The following SP100 variants were observed in gnomAD, a reference collection of about 807,000 sequenced individuals.
SP100 encodes SP100 nuclear body protein, also known as nuclear autoantigen Sp-100.
SP100 carries 84 observed loss-of-function variants against 130.0 expected under a neutral mutation model. That is an observed-to-expected ratio of 0.65 (90% CI 0.54 to 0.77). SP100 has a LOEUF of 0.77. SP100 is among the 30% of genes least tolerant of loss of function. SP100 has a pLI of 0.00. For synonymous variants in SP100, 331 were observed against 351.7 expected (o/e 0.94, Z 0.66); for missense variants, 978 against 1,052.2 (o/e 0.93, Z 0.97).
rs1317109233 is a variant in SP100 at position 230,514,960 on chromosome 2, C to T, written c.2094+3794C>T. On this transcript the variant is annotated intron_variant, in intron 24 of 28. Coordinates refer to ENST00000340126, the MANE Select transcript of SP100 (RefSeq NM_001080391.2). ...TTGAGCTCCATAGAGATAGTGCTGGCGCAAGTGAGAGCTGGACAGGCCCTG... is the reference window on the plus strand; with the variant it reads ...TTGAGCTCCATAGAGATAGTGCTGGTGCAAGTGAGAGCTGGACAGGCCCTG... 2.2e-5 allele frequency: 32 copies of T among 1,445,706 alleles called. 1 individual carries two copies. The Middle Eastern group carries it at 1.2e-3, about 55-fold the overall frequency. 89.6% of individuals were successfully genotyped at this position (1,445,706 alleles called of 1,614,324 possible).
intron 15 of SP100, among the ~76,000 whole-genome samples, chr2:230,472,015 T>A (rs1351777814): frequency 6.6e-6 from 1 of 152,150 alleles, no homozygotes; most frequent in African/African-American, 2.4e-5. Flanking sequence ...GAGATGGCTA[T>A]GTGGTCAGTG....
At chr2:230,450,368 C>T (rs2063915355) in intron 8 of SP100, 113 bp downstream of exon 8, 1 of 697,820 alleles carries the variant, frequency 1.4e-6, no homozygotes, top group African/African-American at 1.8e-5. Context: ...TTTAAAATTA[C>T]CAGATTAAAA....
intron 10 of SP100, 83 bp downstream of exon 10, chr2:230,462,601 C>A: frequency 9.9e-7 from 1 of 1,007,854 alleles, no homozygotes; most frequent in Non-Finnish European, 1.6e-6. Flanking sequence ...TTATTCTGAG[C>A]TCATTCTGTA....
chr2:230,453,114 C>T (rs900304553), intron 8 of SP100, among the ~76,000 whole-genome samples: 4 of 152,080 alleles, frequency 2.6e-5, no homozygotes, highest in South Asian at 2.1e-4. Flanking sequence ...AGGAAACTTA[C>T]GATCATGGCA....
chr2:230,451,818 A>G (rs559325825), intron 8 of SP100, among the ~76,000 whole-genome samples: 2 of 152,328 alleles, frequency 1.3e-5, no homozygotes, highest in South Asian at 2.1e-4. Context: ...ATTTTTTAAT[A>G]TGGCATGAGA....
chr2:230,461,730 C>T (rs528150096), intron 9 of SP100, among the ~76,000 whole-genome samples: 3 of 152,188 alleles, frequency 2.0e-5, no homozygotes, highest in South Asian at 2.1e-4. Flanking sequence ...AGGGGGATCG[C>T]TTGAGTCCAG....
intron 24 of SP100, among the ~76,000 whole-genome samples, chr2:230,517,497 A>G (rs1188271054): frequency 6.6e-6 from 1 of 152,124 alleles, no homozygotes; most frequent in African/African-American, 2.4e-5. Flanking sequence ...CGCCATAGCT[A>G]ACACCTGTAA....
intron 19 of SP100, among the ~76,000 whole-genome samples, chr2:230,500,574 G>T (rs1464553529): frequency 1.3e-5 from 2 of 152,236 alleles, no homozygotes; most frequent in African/African-American, 4.8e-5. Flanking sequence ...TATGGCCAGA[G>T]CTGGATCTCC....
chr2:230,418,968 C>A (rs929624809), intron 2 of SP100, among the ~76,000 whole-genome samples: 1 of 152,176 alleles, frequency 6.6e-6, no homozygotes, highest in Admixed American at 6.5e-5. Flanking sequence ...TGGAACTGCA[C>A]TGGATCTATA....
intron 19 of SP100, among the ~76,000 whole-genome samples, chr2:230,500,999 T>C (rs1035099238): frequency 1.3e-5 from 2 of 152,166 alleles, no homozygotes; most frequent in African/African-American, 4.8e-5. Flanking sequence ...TCCCAGCACT[T>C]TGGGAGGCTG....
chr2:230,458,152 A>T (rs975775662), intron 8 of SP100, among the ~76,000 whole-genome samples: 4 of 152,220 alleles, frequency 2.6e-5, no homozygotes, highest in African/African-American at 9.6e-5. Context: ...TTTGCACATA[A>T]CTTTTACATT....
In SP100 at chr2:230,543,142, G is replaced by C. The variant is rs925386501; in HGVS notation, c.*196G>C. 1 of 370,794 alleles carries C rather than the reference G, an allele frequency of 2.7e-6. No homozygotes were observed. The highest frequency in any genetic ancestry group is 3.7e-5 in the African/African-American group (1 of 27,042). 23.0% of individuals were successfully genotyped at this position (370,794 alleles called of 1,614,324 possible). A position where few individuals can be genotyped will look rare whatever the true frequency, so the allele number is the denominator to read the frequency against. On this transcript the variant is annotated 3_prime_UTR_variant, in exon 29 of 29. Coordinates refer to ENST00000340126, the MANE Select transcript of SP100 (RefSeq NM_001080391.2). ...CATGTTAAAAATTCTCAATAAGCTA[G>C]GTATTGAGGAACATATCCCAAAATA...
chr2:230,506,206 C>G, intron 21 of SP100, 97 bp from the exon 22 acceptor site: 1 of 1,343,800 alleles, frequency 7.4e-7, no homozygotes, highest in Non-Finnish European at 1.0e-6. Flanking sequence ...TGCTACGATC[C>G]TAAGCCCAAA....
At chr2:230,445,911 C>T (rs3820977) in intron 4 of SP100, among the ~76,000 whole-genome samples, 2 of 152,030 alleles carry the variant, frequency 1.3e-5, no homozygotes, top group African/African-American at 2.4e-5. Flanking sequence ...CACCACCCAC[C>T]GCCCCACCCA....
chr2:230,523,288 T>A (rs1691260763), intron 24 of SP100, among the ~76,000 whole-genome samples: 1 of 152,230 alleles, frequency 6.6e-6, no homozygotes, highest in Admixed American at 6.5e-5. Context: ...ATTGGATCTT[T>A]GTTTGTGTGT....
At chr2:230,484,284 T>G (rs1473057027) in intron 17 of SP100, among the ~76,000 whole-genome samples, 2 of 152,256 alleles carry the variant, frequency 1.3e-5, no homozygotes, top group Admixed American at 6.5e-5. Context: ...CCACACTGCA[T>G]GTCTGCAAAT....
At position 230,543,151 on chromosome 2, in the gene SP100, G is replaced by C; in HGVS notation, c.*205G>C. 1 of 404,420 alleles carries C rather than the reference G, an allele frequency of 2.5e-6. No homozygotes were observed. Among genetic ancestry groups the C allele is most frequent in the South Asian group, 3.8e-5 (1 of 26,310 alleles). 25.1% of individuals were successfully genotyped at this position (404,420 alleles called of 1,614,324 possible). A position where few individuals can be genotyped will look rare whatever the true frequency, so the allele number is the denominator to read the frequency against. ...AATTCTCAATAAGCTAGGTATTGAG[G>C]AACATATCCCAAAATAATAAGAGCC... On this transcript the variant is annotated 3_prime_UTR_variant, in exon 29 of 29. Transcript: ENST00000340126.
At chr2:230,418,587 C>G (rs1559477368) in intron 2 of SP100, among the ~76,000 whole-genome samples, 1 of 146,950 alleles carries the variant, frequency 6.8e-6, no homozygotes, top group East Asian at 1.9e-4. Flanking sequence ...TCTGGATGAA[C>G]TTTTTTTCTT....
At chr2:230,469,730 C>T (rs1321712073) in intron 14 of SP100, 1 of 1,276,498 alleles carries the variant, frequency 7.8e-7, no homozygotes, top group East Asian at 5.1e-5. Context: ...TAATTTGAAA[C>T]CACCCAATGA....
Sources: gnomAD v4.1 joint callset for allele counts (sites outside exome capture counted in the v4.1 genomes callset) on GRCh38, gnomAD v4.1.1 for gene constraint, MANE v1.5 for transcripts, NCBI Gene and HGNC (gene_info 2026-07-23, HGNC 2026-07-21) for gene names.